The following RHBDL2 variants were observed in gnomAD, a reference collection of about 807,000 sequenced individuals.
The protein encoded by RHBDL2 is rhomboid like 2, also known as rhomboid-related protein 2.
In RHBDL2, 26 loss-of-function variants were observed where a neutral mutation model predicts 31.7. The observed-to-expected ratio is 0.82, with a 90% confidence interval of 0.60 to 1.14. RHBDL2 has a LOEUF of 1.14. RHBDL2 is among the 50% of genes most tolerant of loss of function. The pLI is 0.00. For missense variants in RHBDL2, 336 were observed against 364.4 expected (o/e 0.92, Z 0.63); for synonymous variants, 123 against 127.2 (o/e 0.97, Z 0.22).
intron 4 of RHBDL2, among the ~76,000 whole-genome samples, chr1:38,906,360 GCAAGGTT>G (rs1643067450): frequency 6.6e-6 from 1 of 152,096 alleles, no homozygotes; most frequent in Non-Finnish European, 1.5e-5. Flanking sequence ...AGTGAGTTCA[GCAAGGTT>G]GCAAGGTATA....
chr1:38,896,631 T>C (rs950517101), intron 4 of RHBDL2, among the ~76,000 whole-genome samples: 3 of 152,224 alleles, frequency 2.0e-5, no homozygotes, highest in African/African-American at 7.2e-5. Context: ...CAACATTTTA[T>C]TATCTAATAG....
chr1:38,932,291 A>G (rs1643447136), intron 1 of RHBDL2, among the ~76,000 whole-genome samples: 1 of 152,128 alleles, frequency 6.6e-6, no homozygotes, highest in Non-Finnish European at 1.5e-5. Flanking sequence ...CCAAGGTGCC[A>G]GACCTATGAA....
intron 1 of RHBDL2, among the ~76,000 whole-genome samples, chr1:38,921,492 A>AG (rs1406044570): frequency 6.6e-6 from 1 of 152,188 alleles, no homozygotes; most frequent in Non-Finnish European, 1.5e-5. Context: ...GATAGATGGA[A>AG]GGCATGGAGC....
At chr1:38,916,949 A>G (rs1643245548) in intron 2 of RHBDL2, among the ~76,000 whole-genome samples, 1 of 151,582 alleles carries the variant, frequency 6.6e-6, no homozygotes, top group Non-Finnish European at 1.5e-5. Flanking sequence ...AGAAAAAAAT[A>G]CAATGTACTA....
chr1:38,890,727 C>T (rs1032316061), intron 6 of RHBDL2, among the ~76,000 whole-genome samples: 3 of 150,350 alleles, frequency 2.0e-5, no homozygotes, highest in Non-Finnish European at 3.0e-5. Flanking sequence ...TTTGAGACAA[C>T]CTCGCTCTGC....
intron 3 of RHBDL2, among the ~76,000 whole-genome samples, chr1:38,912,201 C>T (rs912094580): frequency 6.6e-6 from 1 of 151,894 alleles, no homozygotes; most frequent in African/African-American, 2.4e-5. Context: ...AAACTCCTGA[C>T]CTCAGGTGAT....
intron 6 of RHBDL2, among the ~76,000 whole-genome samples, chr1:38,892,530 G>A (rs188665930): frequency 2.3e-4 from 35 of 152,140 alleles, no homozygotes; most frequent in Admixed American, 1.3e-3. Flanking sequence ...AAACTCCTTC[G>A]TTTACTTCTT....
chr1:38,911,322 C>G lies in RHBDL2; in HGVS notation c.508G>C (p.Gly170Arg), dbSNP rs1253017554. ...TTCTGTGTTACCTCAGAACACTGAC[C>G]TGCAATCACTCCTGCCAGGTACACC... ...GLVYLAGVIA[G>R]SLASSIFDPL... The change falls in exon 4 of 8, where the codon GGG becomes CGG. Residue 170 changes from glycine to arginine, a missense_variant and splice_region_variant. Gly to Arg is a moderately radical substitution (Grantham distance 125). Coordinates refer to ENST00000372990, the MANE Select transcript of RHBDL2 (RefSeq NM_017821.5). 1.9e-6 allele frequency: 3 copies of G among 1,603,380 alleles called. No homozygotes were observed. The highest frequency in any genetic ancestry group is 2.6e-6 in the Non-Finnish European group (3 of 1,170,340).
chr1:38,903,561 G>A (rs1643022167), intron 4 of RHBDL2, among the ~76,000 whole-genome samples: 1 of 152,128 alleles, frequency 6.6e-6, no homozygotes. Context: ...AACATGCTGA[G>A]AGGAATTTTG....
chr1:38,895,578 C>T (rs1557609163), intron 5 of RHBDL2, among the ~76,000 whole-genome samples: 4 of 152,134 alleles, frequency 2.6e-5, no homozygotes, highest in African/African-American at 9.7e-5. Flanking sequence ...CCAACGTGGG[C>T]AGATCGCTTG....
rs1304653048 is a variant in RHBDL2 at position 38,919,151 on chromosome 1, T to C, written c.62A>G (p.Lys21Arg). Residue 21 changes from lysine (K) to arginine (R), a missense_variant, in exon 2 of 8, where the codon AAA becomes AGA. Lys to Arg is a conservative substitution (Grantham distance 26). Transcript: ENST00000372990. Reference protein sequence around the residue: ...SMNLNMGREMKEELEEEEKMR... With the variant: ...SMNLNMGREMREELEEEEKMR... Reference sequence around the variant, plus strand: ...TTTCTCCTCTTCCTCCAGCTCTTCTTTCATCTCTCTCCCCATATTCAGATT... The same window carrying C: ...TTTCTCCTCTTCCTCCAGCTCTTCTCTCATCTCTCTCCCCATATTCAGATT... 2 of 1,613,990 alleles carry C rather than the reference T, an allele frequency of 1.2e-6. No individual in the cohort carries two copies. Among genetic ancestry groups the C allele is most frequent in the African/African-American group, 2.7e-5 (2 of 74,898 alleles).
chr1:38,938,716 A>G (rs1184837037), intron 1 of RHBDL2, among the ~76,000 whole-genome samples: 1 of 152,230 alleles, frequency 6.6e-6, no homozygotes, highest in Non-Finnish European at 1.5e-5. Context: ...CTGAGCATCT[A>G]CCACATGCTT....
intron 3 of RHBDL2, among the ~76,000 whole-genome samples, chr1:38,912,902 A>G (rs150845921): frequency 8.2e-5 from 3 of 36,402 alleles, no homozygotes; most frequent in African/African-American, 2.0e-4. Flanking sequence ...ATATATATAT[A>G]TATATATATG....
At chr1:38,913,978 G>A (rs951112995) in intron 3 of RHBDL2, among the ~76,000 whole-genome samples, 3 of 151,900 alleles carry the variant, frequency 2.0e-5, no homozygotes, top group Admixed American at 6.6e-5. Flanking sequence ...TTAGCTGGGC[G>A]TGGTGGCACG....
chr1:38,907,880 T>C (rs963908287), intron 4 of RHBDL2, among the ~76,000 whole-genome samples: 25 of 152,028 alleles, frequency 1.6e-4, no homozygotes, highest in African/African-American at 6.0e-4. Flanking sequence ...AATGGAAAAA[T>C]TGATGTTAGA....
chr1:38,938,974 T>A (rs1467749690), intron 1 of RHBDL2, among the ~76,000 whole-genome samples: 1 of 152,212 alleles, frequency 6.6e-6, no homozygotes, highest in East Asian at 1.9e-4. Context: ...TCATTGAAAA[T>A]TTTTGTATCA....
intron 5 of RHBDL2, among the ~76,000 whole-genome samples, chr1:38,894,707 C>CTTTTTTTTTTTTTTTTTTTTT (rs71057159): frequency 2.1e-4 from 24 of 114,178 alleles, no homozygotes; most frequent in Non-Finnish European, 2.7e-4. Context: ...CTTTTTTTTT[C>CTTTTTTTTTTTTTTTTTTTTT]TTTTTTTTTT....
At chr1:38,935,948 T>C (rs936843980) in intron 1 of RHBDL2, among the ~76,000 whole-genome samples, 3 of 152,142 alleles carry the variant, frequency 2.0e-5, no homozygotes, top group Non-Finnish European at 4.4e-5. Context: ...GGTCTTGCTT[T>C]GTTGCCCAGG....
At chr1:38,914,016 C>T (rs1240798258) in intron 3 of RHBDL2, among the ~76,000 whole-genome samples, 1 of 151,664 alleles carries the variant, frequency 6.6e-6, no homozygotes, top group African/African-American at 2.4e-5. Flanking sequence ...ACTCGGGAAG[C>T]TGAGGCAGGA....
Sources: gnomAD v4.1 joint callset for allele counts (sites outside exome capture counted in the v4.1 genomes callset) on GRCh38, gnomAD v4.1.1 for gene constraint, MANE v1.5 for transcripts, NCBI Gene and HGNC (gene_info 2026-07-23, HGNC 2026-07-21) for gene names.